TRNT1: variants seen among roughly 807,000 people sequenced by gnomAD.
The protein encoded by TRNT1 is CCA tRNA nucleotidyltransferase 1, mitochondrial.
Under a neutral mutation model 45.6 loss-of-function variants are expected in TRNT1, and 44 were observed. That is an observed-to-expected ratio of 0.97 (90% CI 0.76 to 1.24). The LOEUF is 1.24. Among genes scored for constraint, TRNT1 ranks in the 50% most tolerant of loss-of-function variants. The pLI is 0.00. For synonymous variants in TRNT1, 201 were observed against 171.4 expected, an observed-to-expected ratio of 1.17 and a Z score of -1.35; for missense variants, 633 against 504.4, an observed-to-expected ratio of 1.25 and a Z score of -2.44.
chr3:3,138,585 A>G (rs1705463801), intron 3 of TRNT1, among the ~76,000 whole-genome samples: 1 of 151,792 alleles, frequency 6.6e-6, no homozygotes, highest in South Asian at 2.1e-4. Context: ...TATTATTTGG[A>G]TCCTGGATTG....
chr3:3,135,973 GGTA>G (rs1157318796), intron 2 of TRNT1, among the ~76,000 whole-genome samples: 2 of 152,166 alleles, frequency 1.3e-5, no homozygotes, highest in Non-Finnish European at 2.9e-5. Flanking sequence ...GAGCATTTAA[GGTA>G]GTAGAGCTTT....
At chr3:3,136,249 C>T (rs1705319357) in intron 2 of TRNT1, among the ~76,000 whole-genome samples, 1 of 152,096 alleles carries the variant, frequency 6.6e-6, no homozygotes, top group African/African-American at 2.4e-5. Flanking sequence ...TGTTTCTGTA[C>T]CACAGACCCC....
intron 7 of TRNT1, 43 bp from the exon 8 acceptor site, chr3:3,147,863 T>G (rs201715586): frequency 7.6e-6 from 12 of 1,578,508 alleles, no homozygotes; most frequent in Non-Finnish European, 1.0e-5. Context: ...TAAGTGTATG[T>G]TTTCATGTGT....
At chr3:3,146,248 G>A (rs938610971) in intron 5 of TRNT1, among the ~76,000 whole-genome samples, 182 bp from the exon 6 acceptor site, 2 of 151,840 alleles carry the variant, frequency 1.3e-5, no homozygotes, top group Non-Finnish European at 2.9e-5. Context: ...TTCTTATCTG[G>A]GAAAAGAAAG....
chr3:3,152,619 C>A, downstream of TRNT1: 1 of 1,613,506 alleles, frequency 6.2e-7, no homozygotes, highest in South Asian at 1.1e-5. Context: ...GAGAACACGT[C>A]AAAACGAGAA....
intron 4 of TRNT1, among the ~76,000 whole-genome samples, chr3:3,141,865 C>T (rs908363668): frequency 1.3e-5 from 2 of 152,148 alleles, no homozygotes; most frequent in African/African-American, 4.8e-5. Context: ...TTCTAGGGTA[C>T]CTACTGGGTT....
Position 3,129,887 on chromosome 3 carries a change from C to T in TRNT1, c.148+699C>T, listed in dbSNP as rs1326629710. 4.5e-6 allele frequency: 7 copies of T among 1,550,490 alleles called. No individual in the cohort carries two copies. The Admixed American group carries it at 7.8e-5, about 17-fold the overall frequency. ...TACGCAGATTGATTTCAGAGCCCAG[C>T]TTGCAACCGCTAAGCTCTGTTTCCT... is the stretch of plus-strand genomic sequence containing the variant. On this transcript the variant is annotated intron_variant, in intron 2 of 7. Coordinates refer to ENST00000251607, the MANE Select transcript of TRNT1 (RefSeq NM_182916.3).
chr3:3,150,752 T>C, downstream of TRNT1: 1 of 1,019,840 alleles, frequency 9.8e-7, no homozygotes, highest in South Asian at 1.5e-5. Context: ...ATGTTATGTT[T>C]ACTTAGGTAT....
intron 2 of TRNT1, among the ~76,000 whole-genome samples, chr3:3,135,898 A>T (rs976766930): frequency 3.9e-5 from 6 of 152,174 alleles, no homozygotes; most frequent in Non-Finnish European, 5.9e-5. Context: ...CTGGAGGTAT[A>T]CTCAGTAAGA....
At chr3:3,139,885 C>G (rs994548368) in intron 3 of TRNT1, among the ~76,000 whole-genome samples, 8 of 152,108 alleles carry the variant, frequency 5.3e-5, no homozygotes, top group African/African-American at 1.7e-4. Context: ...CACCACCACA[C>G]CTGGCTGGTT....
intron 5 of TRNT1, 68 bp downstream of exon 5, chr3:3,144,778 G>A (rs1340680730): frequency 6.5e-6 from 9 of 1,384,412 alleles, no homozygotes; most frequent in South Asian, 3.0e-5. Context: ...GTGGTCATAC[G>A]AAACCCACAG....
downstream of TRNT1, chr3:3,149,070 A>ATAAT (rs1491568667): frequency 4.0e-5 from 6 of 150,960 alleles, no homozygotes; most frequent in Non-Finnish European, 7.4e-5. Context: ...CTGACATTTC[A>ATAAT]TAATTTATTT....
chr3:3,129,695 C>T (rs185724323), intron 2 of TRNT1, among the ~76,000 whole-genome samples: 5 of 152,232 alleles, frequency 3.3e-5, no homozygotes, highest in Admixed American at 6.5e-5. Context: ...CATGGCTTTT[C>T]TGTATGCTGT....
rs3864049 is a variant in TRNT1, at chr3:3,145,035, T to G, written c.608+325T>G. On this transcript the variant is annotated intron_variant, in intron 5 of 7. Coordinates refer to ENST00000251607, the MANE Select transcript of TRNT1 (RefSeq NM_182916.3). ...CAGATGTTTGAATGCTTACCACAGG[T>G]CAATCCCTGTGTTAGGTGCATTAAA... 21,638 of 172,616 alleles carry G rather than the reference T, an allele frequency of 0.13. 1,481 individuals are homozygous for G. The highest frequency in any genetic ancestry group is 0.17 in the Admixed American group (2,594 of 15,622). 10.7% of individuals were successfully genotyped at this position (172,616 alleles called of 1,614,324 possible).
chr3:3,128,410 A>G (rs572024909), intron 1 of TRNT1, among the ~76,000 whole-genome samples: 115 of 152,182 alleles, frequency 7.6e-4, no homozygotes, highest in African/African-American at 2.7e-3. Context: ...CAGTCTGGCC[A>G]ACGTGGTAAA....
At chr3:3,128,249 G>T (rs1379111425) in intron 1 of TRNT1, among the ~76,000 whole-genome samples, 2 of 152,072 alleles carry the variant, frequency 1.3e-5, no homozygotes, top group African/African-American at 4.8e-5. Context: ...GAGGCCTGGG[G>T]AGTTTCCTCA....
At chr3:3,153,386 A>G (rs545194008), downstream of TRNT1, 3 of 1,120,338 alleles carry the variant, frequency 2.7e-6, no homozygotes, top group East Asian at 4.7e-5. Context: ...TATAATTCTG[A>G]TAAGGCAAGT....
chr3:3,139,241 TA>T (rs1705498193), intron 3 of TRNT1, among the ~76,000 whole-genome samples: 1 of 152,220 alleles, frequency 6.6e-6, no homozygotes, highest in Admixed American at 6.5e-5. Context: ...GATTATTTCT[TA>T]AAATGAGTTG....
At position 3,144,816 on chromosome 3, in the gene TRNT1, C is replaced by T. The variant is rs936858480; in HGVS notation, c.608+106C>T. On this transcript the variant is annotated intron_variant, in intron 5 of 7. Coordinates refer to ENST00000251607, the MANE Select transcript of TRNT1 (RefSeq NM_182916.3). ...GGTCAGTGTACAAAATGGTGACATC[C>T]CAAATGTCTGTCTCCAGTGGAGACC... The T allele has an allele frequency of 5.1e-6, 6 of 1,177,456 alleles. No homozygotes were observed. The African/African-American group carries it at 9.6e-5, about 19-fold the overall frequency. The allele number at this position is 1,177,456 out of a possible 1,614,324, so 72.9% of individuals were successfully genotyped here.
Sources: gnomAD v4.1 joint callset for allele counts (sites outside exome capture counted in the v4.1 genomes callset) on GRCh38, gnomAD v4.1.1 for gene constraint, MANE v1.5 for transcripts, NCBI Gene and HGNC (gene_info 2026-07-23, HGNC 2026-07-21) for gene names.